The following SFXN5 variants were observed in gnomAD, a reference collection of about 807,000 sequenced individuals.
The protein encoded by SFXN5 is sideroflexin-5.
In SFXN5, 43 loss-of-function variants were observed where a neutral mutation model predicts 50.2. The observed-to-expected ratio is 0.86, with a 90% CI of 0.67 to 1.11. SFXN5 has a LOEUF of 1.11. Ranked by LOEUF, SFXN5 falls within the 50% of genes least tolerant of loss-of-function variation. SFXN5 has a pLI of 0.00. For missense variants in SFXN5, 463 were observed against 454.1 expected (o/e 1.02, Z -0.18); for synonymous variants, 203 against 185.8 (o/e 1.09, Z -0.75).
rs1672402570 is a variant in SFXN5, at chr2:72,950,360, C to T, written c.946-5261G>A. Among the ~76,000 whole-genome samples, 1 of 152,108 alleles carries T rather than the reference C, an allele frequency of 6.6e-6. No individual in the cohort carries two copies. Among genetic ancestry groups the T allele is most frequent in the South Asian group, 2.1e-4 (1 of 4,822 alleles). On this transcript the variant is annotated intron_variant, in intron 13 of 13. Transcript: ENST00000272433. The surrounding 1 kb of genome is among the most constrained non-coding windows in gnomAD (Gnocchi z 4.2). ...TGCCTGGGGTCCACATTGTCCGACC[C>T]CCACCTCATGCTGATCCTGGTTCAT...
intron 3 of SFXN5, among the ~76,000 whole-genome samples, chr2:73,031,490 T>C (rs1678299643): frequency 1.3e-5 from 2 of 152,260 alleles, no homozygotes; most frequent in Admixed American, 6.5e-5. Flanking sequence ...TTTAAGCTAG[T>C]ACATTTGGGG....
At chr2:72,985,708 C>T (rs1201967772) in intron 10 of SFXN5, among the ~76,000 whole-genome samples, 1 of 152,210 alleles carries the variant, frequency 6.6e-6, no homozygotes, top group East Asian at 1.9e-4. Flanking sequence ...GCTTAAACCA[C>T]ATTATGCAAC....
At chr2:72,952,999 G>T (rs925255388) in intron 13 of SFXN5, among the ~76,000 whole-genome samples, 18 of 152,204 alleles carry the variant, frequency 1.2e-4, no homozygotes, top group Non-Finnish European at 2.2e-4. Context: ...GTCCTGGAAG[G>T]TCCTGGAAAA....
At chr2:72,984,482 C>G (rs1346660097) in intron 10 of SFXN5, among the ~76,000 whole-genome samples, 1 of 152,262 alleles carries the variant, frequency 6.6e-6, no homozygotes, top group Non-Finnish European at 1.5e-5. Context: ...GGTTATCTCA[C>G]AGGGCTTGAA....
At chr2:73,026,941 G>T (rs1415693284) in intron 3 of SFXN5, among the ~76,000 whole-genome samples, 1 of 151,914 alleles carries the variant, frequency 6.6e-6, no homozygotes, top group East Asian at 1.9e-4. Flanking sequence ...TTGGCCAGCT[G>T]GTCTCAAACT....
intron 13 of SFXN5, among the ~76,000 whole-genome samples, chr2:72,949,936 TG>T (rs1359803924): frequency 6.6e-6 from 1 of 150,562 alleles, no homozygotes; most frequent in East Asian, 2.0e-4. Context: ...GGGCCAGGGT[TG>T]GGGGTGGTAG....
intron 2 of SFXN5, among the ~76,000 whole-genome samples, chr2:73,043,367 A>G (rs1382137316): frequency 6.6e-6 from 1 of 152,224 alleles, no homozygotes; most frequent in Non-Finnish European, 1.5e-5. Context: ...CAGAGTGGGA[A>G]ATGAACAGCC....
intron 13 of SFXN5, among the ~76,000 whole-genome samples, chr2:72,954,510 G>C (rs147250941): frequency 1.3e-5 from 2 of 152,102 alleles, no homozygotes; most frequent in African/African-American, 4.8e-5. Context: ...CTGCCCCCAG[G>C]GGCCCCTGCA....
chr2:73,067,000 T>C (rs1644679303), intron 1 of SFXN5, among the ~76,000 whole-genome samples: 4 of 152,180 alleles, frequency 2.6e-5, no homozygotes, highest in Admixed American at 2.6e-4. Flanking sequence ...AGCCATTAAT[T>C]ACTGTTCCAC....
chr2:73,008,073 G>A (rs1470362246), intron 6 of SFXN5, among the ~76,000 whole-genome samples: 2 of 152,180 alleles, frequency 1.3e-5, no homozygotes, highest in Non-Finnish European at 2.9e-5. Flanking sequence ...CTTGGGAGAT[G>A]TCAGGAGGGC....
At chr2:73,036,495 C>T (rs1679001576) in intron 3 of SFXN5, among the ~76,000 whole-genome samples, 1 of 152,196 alleles carries the variant, frequency 6.6e-6, no homozygotes, top group Non-Finnish European at 1.5e-5. Flanking sequence ...TAGTGCCAAG[C>T]TGCCCCTCCA....
chr2:73,053,068 T>G (rs1031295949), intron 2 of SFXN5, among the ~76,000 whole-genome samples: 5 of 151,752 alleles, frequency 3.3e-5, no homozygotes, highest in African/African-American at 1.2e-4. Context: ...TCCCAGCTAC[T>G]CAGGAGGCTG....
intron 6 of SFXN5, among the ~76,000 whole-genome samples, chr2:73,018,320 T>C (rs1354742589): frequency 2.0e-5 from 3 of 151,272 alleles, no homozygotes; most frequent in Non-Finnish European, 3.0e-5. Context: ...GAATATCCTG[T>C]TGTGTCAGAG....
intron 5 of SFXN5, among the ~76,000 whole-genome samples, chr2:73,022,212 A>C (rs1676983160): frequency 6.6e-6 from 1 of 152,184 alleles, no homozygotes; most frequent in Admixed American, 6.5e-5. Flanking sequence ...AGCAGGCATC[A>C]CTGAGGCTGT....
At chr2:72,963,484 C>T (rs575554707) in intron 12 of SFXN5, among the ~76,000 whole-genome samples, 79 of 151,202 alleles carry the variant, frequency 5.2e-4, no homozygotes, top group African/African-American at 1.6e-3. Context: ...ACAGGAGCCT[C>T]GGAAGCCCCA....
chr2:73,000,338 C>T, intron 8 of SFXN5, 93 bp downstream of exon 8: 2 of 1,235,662 alleles, frequency 1.6e-6, no homozygotes, highest in Non-Finnish European at 2.3e-6. Context: ...AACCAAGAGG[C>T]AGCCACTGAT....
rs1673771629 is a variant in SFXN5, at chr2:72,961,720, G to A, written c.828-472C>T. ...GGGAGATGACAAAGCACATACATAT[G>A]GGCACACGCCAGCCAGGAGGGGGTG... On this transcript the variant is annotated intron_variant, in intron 12 of 13. Coordinates refer to ENST00000272433, the MANE Select transcript of SFXN5 (RefSeq NM_144579.3). The surrounding 1 kb of genome is among the most constrained non-coding windows in gnomAD (Gnocchi z 4.4). Among the ~76,000 whole-genome samples, 3 of 152,184 alleles carry A rather than the reference G, an allele frequency of 2.0e-5. No homozygotes were observed. The South Asian group carries it at 6.2e-4, about 31-fold the overall frequency.
At chr2:73,064,800 T>C (rs769551819) in intron 1 of SFXN5, among the ~76,000 whole-genome samples, 2 of 152,230 alleles carry the variant, frequency 1.3e-5, no homozygotes, top group Non-Finnish European at 2.9e-5. Flanking sequence ...TTTTGTTTTA[T>C]TTTTGAGACA....
chr2:72,988,022 T>C (rs1672117286), intron 10 of SFXN5, among the ~76,000 whole-genome samples: 1 of 152,276 alleles, frequency 6.6e-6, no homozygotes, highest in African/African-American at 2.4e-5. Context: ...TACTGACCCC[T>C]TGGGGGTCTG....
Sources: allele counts gnomAD v4.1 joint callset (sites outside exome capture counted in the v4.1 genomes callset), GRCh38; gene constraint gnomAD v4.1.1; non-coding constraint Gnocchi (gnomAD v3.1); transcripts MANE v1.5; gene names NCBI Gene and HGNC (gene_info 2026-07-23, HGNC 2026-07-21).